GRHL2: variants seen among roughly 807,000 people sequenced by gnomAD.
The protein encoded by GRHL2 is grainyhead-like protein 2 homolog.
A neutral mutation model predicts 83.8 loss-of-function variants in GRHL2; 21 were observed. That is an observed-to-expected ratio of 0.25 (90% CI 0.18 to 0.36). GRHL2 has a LOEUF of 0.36. Ranked by LOEUF, GRHL2 falls within the 10% of genes least tolerant of loss-of-function variation. GRHL2 has a pLI of 1.00. For missense variants in GRHL2, 623 were observed against 781.8 expected (o/e 0.80, Z 2.42); for synonymous variants, 280 against 278.9 (o/e 1.00, Z -0.04).
chr8:101,545,870 ATTTTTTTTTTTT>A (rs1174568425), intron 2 of GRHL2, among the ~76,000 whole-genome samples: 972 of 83,622 alleles, frequency 0.012, 19 homozygotes, highest in African/African-American at 0.043. Context: ...TCTTTGTAAC[ATTTTTTTTTTTT>A]TTTTTTTTTT....
rs1371975855 is a variant in GRHL2 at position 101,558,541 on chromosome 8, G to A, written c.407G>A (p.Arg136Gln). 1.9e-6 allele frequency: 3 copies of A among 1,614,084 alleles called. No homozygotes were observed. The highest frequency in any genetic ancestry group is 1.7e-5 in the Admixed American group (1 of 60,012). ...LNQDHLENSKREQYSISFPES... is the reference protein window; with the variant it reads ...LNQDHLENSKQEQYSISFPES... ...CAAGATCACCTGGAGAATTCCAAGCGGGAACAGTACAGCATCAGCTTCCCC... is the reference window on the plus strand; with the variant it reads ...CAAGATCACCTGGAGAATTCCAAGCAGGAACAGTACAGCATCAGCTTCCCC... The change falls in exon 4 of 16, where the codon CGG becomes CAG. Residue 136 changes from arginine to glutamine, a missense_variant. Physicochemically the swap from Arg to Gln is conservative, Grantham distance 43. Around this residue, in one of 8 missense-constraint regions of GRHL2, gnomAD observed 239 missense variants for 240.5 expected, o/e 0.99. Transcript: ENST00000646743.
intron 7 of GRHL2, among the ~76,000 whole-genome samples, chr8:101,585,103 G>A (rs190063590): frequency 1.1e-4 from 16 of 152,342 alleles, no homozygotes; most frequent in East Asian, 7.7e-4. Context: ...AGGTGATCAC[G>A]TAGTGTGAAT....
intron 14 of GRHL2, 126 bp from the exon 15 acceptor site, chr8:101,664,328 G>A (rs974361909): frequency 3.2e-5 from 22 of 683,266 alleles, no homozygotes; most frequent in East Asian, 5.5e-5. Flanking sequence ...TTGAGAGTTC[G>A]ACTCATGAGT....
At chr8:101,593,082 G>T (rs1324561111) in intron 7 of GRHL2, among the ~76,000 whole-genome samples, 1 of 152,098 alleles carries the variant, frequency 6.6e-6, no homozygotes, top group Non-Finnish European at 1.5e-5. Context: ...GAGTAGCTGG[G>T]ATTACAGACA....
intron 14 of GRHL2, among the ~76,000 whole-genome samples, chr8:101,654,071 G>A (rs982498716): frequency 1.3e-5 from 2 of 152,150 alleles, no homozygotes; most frequent in African/African-American, 2.4e-5. Context: ...GCATCGCAGC[G>A]GATTTTAGGA....
downstream of GRHL2, among the ~76,000 whole-genome samples, chr8:101,671,927 G>A (rs1282992373): frequency 6.6e-6 from 1 of 152,170 alleles, no homozygotes; most frequent in African/African-American, 2.4e-5. Context: ...CACCGCTGCT[G>A]ATACCCAGGC....
At chr8:101,599,188 A>G in intron 8 of GRHL2, 37 bp downstream of exon 8, 4 of 1,283,972 alleles carry the variant, frequency 3.1e-6, no homozygotes, top group Non-Finnish European at 4.5e-6. Flanking sequence ...ACCTCTTAAT[A>G]TGTGCCCATC....
chr8:101,524,037 A>G (rs1382145740), intron 1 of GRHL2, among the ~76,000 whole-genome samples: 1 of 152,200 alleles, frequency 6.6e-6, no homozygotes, highest in Non-Finnish European at 1.5e-5. Context: ...CTCTCAGGGT[A>G]TAACTTGGTT....
chr8:101,652,390 T>TGTGTGGG (rs1476183342), intron 14 of GRHL2, among the ~76,000 whole-genome samples: 1 of 66,960 alleles, frequency 1.5e-5, no homozygotes, highest in Non-Finnish European at 2.6e-5. Context: ...GTGTGGTGTG[T>TGTGTGGG]GTGTGTGTCT....
chr8:101,507,080 T>A (rs1810355753), intron 1 of GRHL2, among the ~76,000 whole-genome samples: 1 of 152,190 alleles, frequency 6.6e-6, no homozygotes, highest in South Asian at 2.1e-4. Context: ...TTGCACCCTA[T>A]GGGCTAACAG....
At chr8:101,495,812 A>C (rs1319995295) in intron 1 of GRHL2, among the ~76,000 whole-genome samples, 1 of 152,196 alleles carries the variant, frequency 6.6e-6, no homozygotes, top group Non-Finnish European at 1.5e-5. Context: ...CACAATGCTT[A>C]ATAGTCACAA....
chr8:101,517,730 C>T (rs12675360), intron 1 of GRHL2, among the ~76,000 whole-genome samples: 4,722 of 131,348 alleles, frequency 0.036, 158 homozygotes, highest in East Asian at 0.21. Context: ...CTTTCATGTC[C>T]GTTTGCAGTC....
At chr8:101,636,030 T>C (rs1813277508) in intron 11 of GRHL2, among the ~76,000 whole-genome samples, 1 of 152,152 alleles carries the variant, frequency 6.6e-6, no homozygotes, top group Non-Finnish European at 1.5e-5. Flanking sequence ...AATATGTAAA[T>C]GTCTGATACT....
At chr8:101,583,584 C>G (rs2130262072) in intron 7 of GRHL2, among the ~76,000 whole-genome samples, 1 of 152,288 alleles carries the variant, frequency 6.6e-6, no homozygotes, top group African/African-American at 2.4e-5. Context: ...ACACATAGAA[C>G]AGGCTGGGAG....
intron 8 of GRHL2, among the ~76,000 whole-genome samples, chr8:101,617,918 A>T (rs1373574566): frequency 6.6e-6 from 1 of 152,236 alleles, no homozygotes; most frequent in African/African-American, 2.4e-5. Context: ...AGGTGAATGG[A>T]AAACCCAGGG....
intron 8 of GRHL2, among the ~76,000 whole-genome samples, chr8:101,612,876 C>G (rs1029355955): frequency 6.6e-6 from 1 of 150,740 alleles, no homozygotes; most frequent in Non-Finnish European, 1.5e-5. Context: ...AATCATGGAG[C>G]AAACAGACAA....
At chr8:101,509,182 T>TTTCTC in intron 1 of GRHL2, among the ~76,000 whole-genome samples, 1 of 63,150 alleles carries the variant, frequency 1.6e-5, no homozygotes, top group Admixed American at 1.5e-4. Flanking sequence ...TTTTCTTTCT[T>TTTCTC]TCTTTTCTCT....
chr8:101,674,231 G>A (rs1814254598), downstream of GRHL2, among the ~76,000 whole-genome samples: 1 of 151,938 alleles, frequency 6.6e-6, no homozygotes, highest in African/African-American at 2.4e-5. Flanking sequence ...AGGAAATAGA[G>A]ACACAAAAAA....
intron 2 of GRHL2, among the ~76,000 whole-genome samples, chr8:101,547,247 G>A (rs1304980931): frequency 1.4e-5 from 2 of 142,034 alleles, no homozygotes; most frequent in East Asian, 2.0e-4. Flanking sequence ...TTTTTTTTTG[G>A]TTTAAATGCG....
Sources: allele counts gnomAD v4.1 joint callset (sites outside exome capture counted in the v4.1 genomes callset), GRCh38; gene constraint gnomAD v4.1.1; regional missense constraint gnomAD v4.1.1; transcripts MANE v1.5; gene names NCBI Gene and HGNC (gene_info 2026-07-23, HGNC 2026-07-21).